Variants in USP34 observed in about 807,000 individuals in gnomAD.
USP34 encodes ubiquitin specific peptidase 34.
A neutral mutation model predicts 460.3 loss-of-function variants in USP34; 70 were observed. That is an observed-to-expected ratio of 0.15 (90% CI 0.13 to 0.19). USP34 has a LOEUF of 0.19. Ranked by LOEUF, USP34 falls within the 10% of genes least tolerant of loss-of-function variation. USP34 has a pLI of 1.00. For synonymous variants in USP34, 1,647 were observed against 1,405.3 expected (o/e 1.17, Z -3.85); for missense variants, 3,985 against 4,236.2 (o/e 0.94, Z 1.65).
At chr2:61,464,329 C>T (rs536617834) in intron 1 of USP34, among the ~76,000 whole-genome samples, 7 of 151,680 alleles carry the variant, frequency 4.6e-5, no homozygotes, top group Admixed American at 1.3e-4. Context: ...AAAAACACCA[C>T]CACCAACAAA....
intron 75 of USP34, 42 bp downstream of exon 75, chr2:61,203,097 TA>T: frequency 6.7e-7 from 1 of 1,484,754 alleles, no homozygotes; most frequent in East Asian, 2.5e-5. Context: ...ACTAGGGGCT[TA>T]AAATAATTCA....
intron 29 of USP34, 104 bp from the exon 30 acceptor site, chr2:61,297,029 T>C: frequency 2.1e-6 from 3 of 1,427,420 alleles, no homozygotes; most frequent in South Asian, 1.4e-5. Context: ...TAATAGTTTT[T>C]AGCCTCACTT....
intron 1 of USP34, among the ~76,000 whole-genome samples, chr2:61,456,908 G>C (rs1005201901): frequency 6.6e-5 from 10 of 152,040 alleles, no homozygotes; most frequent in African/African-American, 2.4e-4. Context: ...GCCCACCTGG[G>C]ACGTTGAGGC....
At chr2:61,200,302 C>T (rs565883810) in intron 75 of USP34, 2 of 152,456 alleles carry the variant, frequency 1.3e-5, no homozygotes, top group Admixed American at 6.5e-5. Context: ...TACTTGCCGA[C>T]ACAGTTTTTT....
chr2:61,296,630 C>T (rs1690039193), intron 30 of USP34, among the ~76,000 whole-genome samples, 170 bp downstream of exon 30: 1 of 152,218 alleles, frequency 6.6e-6, no homozygotes, highest in Admixed American at 6.5e-5. Context: ...TTCACCCTCA[C>T]TAAATAAACA....
At chr2:61,330,407 G>C (rs1414946152) in intron 20 of USP34, among the ~76,000 whole-genome samples, 2 of 152,138 alleles carry the variant, frequency 1.3e-5, no homozygotes, top group East Asian at 1.9e-4. Flanking sequence ...CACCCTAAAG[G>C]ACACAGTAAA....
intron 5 of USP34, among the ~76,000 whole-genome samples, chr2:61,383,607 G>T (rs1003729747): frequency 6.6e-6 from 1 of 152,004 alleles, no homozygotes; most frequent in Non-Finnish European, 1.5e-5. Flanking sequence ...AGAGGCTGAG[G>T]CAGGAGAATC....
intron 10 of USP34, among the ~76,000 whole-genome samples, chr2:61,361,355 G>A (rs148664053): frequency 7.2e-4 from 109 of 152,302 alleles, no homozygotes; most frequent in African/African-American, 2.3e-3. Flanking sequence ...GCAGGAAGTC[G>A]AGGCTGCAAT....
At chr2:61,274,288 G>T (rs1689307670) in intron 41 of USP34, among the ~76,000 whole-genome samples, 1 of 152,038 alleles carries the variant, frequency 6.6e-6, no homozygotes, top group Non-Finnish European at 1.5e-5. Flanking sequence ...TAGTAGGGAG[G>T]CTGAGGCAGG....
intron 1 of USP34, among the ~76,000 whole-genome samples, chr2:61,446,130 A>AC (rs1695109751): frequency 6.6e-6 from 1 of 151,552 alleles, no homozygotes; most frequent in African/African-American, 2.4e-5. Flanking sequence ...AAAAAAAAAA[A>AC]AAAACTAAAC....
intron 1 of USP34, among the ~76,000 whole-genome samples, chr2:61,421,112 G>A (rs949669388): frequency 1.2e-4 from 18 of 152,120 alleles, no homozygotes; most frequent in Non-Finnish European, 2.9e-5. Flanking sequence ...CTGAGGCTGG[G>A]ACCATGCAAT....
At chr2:61,467,432 G>C (rs963831049) in intron 1 of USP34, among the ~76,000 whole-genome samples, 1 of 151,416 alleles carries the variant, frequency 6.6e-6, no homozygotes, top group African/African-American at 2.4e-5. Flanking sequence ...TTACAGGGGC[G>C]CACCACCACG....
rs1421410391 is a variant in USP34, at chr2:61,295,197, G to A, written c.4348C>T (p.Pro1450Ser). ...GACTCCCTCCTTATTCTTCTATTAG[G>A]TTTTCCCAGTGCTTCAATAATTTCC... ...ALEIIEALGK[P>S]NRRIRRESTG... Residue 1450 changes from proline (P) to serine (S), a missense_variant, in exon 31 of 80, where the codon CCT becomes TCT. Coordinates refer to ENST00000398571, the MANE Select transcript of USP34 (RefSeq NM_014709.4). 1 of 1,611,706 alleles carries A rather than the reference G, an allele frequency of 6.2e-7. No individual in the cohort carries two copies. Among genetic ancestry groups the A allele is most frequent in the African/African-American group, 1.3e-5 (1 of 74,926 alleles).
chr2:61,362,073 A>G (rs151217445), intron 10 of USP34, among the ~76,000 whole-genome samples: 3 of 152,330 alleles, frequency 2.0e-5, no homozygotes, highest in South Asian at 2.1e-4. Context: ...AAGCTGCTCA[A>G]TATCACTAAT....
intron 1 of USP34, among the ~76,000 whole-genome samples, chr2:61,469,561 G>T (rs1000661846): frequency 4.5e-4 from 68 of 152,198 alleles, no homozygotes; most frequent in African/African-American, 1.6e-3. Context: ...TTTTATTATT[G>T]TCTTTGGTCA....
chr2:61,459,985 C>G (rs886113185), intron 1 of USP34, among the ~76,000 whole-genome samples: 6 of 152,098 alleles, frequency 3.9e-5, no homozygotes, highest in African/African-American at 1.4e-4. Context: ...TGGCGTCAAC[C>G]CAGGAAGCAG....
chr2:61,410,532 C>A (rs547193754), intron 2 of USP34, among the ~76,000 whole-genome samples: 1 of 152,170 alleles, frequency 6.6e-6, no homozygotes, highest in Non-Finnish European at 1.5e-5. Flanking sequence ...GCTGGGGACC[C>A]TTGCTGTACA....
At chr2:61,267,369 A>G (rs962379180) in intron 41 of USP34, among the ~76,000 whole-genome samples, 1 of 152,180 alleles carries the variant, frequency 6.6e-6, no homozygotes, top group Non-Finnish European at 1.5e-5. Flanking sequence ...ATCTATTGTT[A>G]AAGAATGTGT....
At chr2:61,250,423 T>TA (rs1688544973) in intron 48 of USP34, 1 of 156,302 alleles carries the variant, frequency 6.4e-6, no homozygotes, top group African/African-American at 2.4e-5. Flanking sequence ...AAGGTACTGT[T>TA]AGTCTCTCCT....
Sources: gnomAD v4.1 joint callset for allele counts (sites outside exome capture counted in the v4.1 genomes callset) on GRCh38, gnomAD v4.1.1 for gene constraint, MANE v1.5 for transcripts, NCBI Gene and HGNC (gene_info 2026-07-23, HGNC 2026-07-21) for gene names.